Variants in MEGF10 observed in about 807,000 individuals in gnomAD.
MEGF10 encodes the protein multiple epidermal growth factor-like domains protein 10.
Under a neutral mutation model 147.5 loss-of-function variants are expected in MEGF10, and 86 were observed. The ratio of observed to expected loss-of-function variants is 0.58; its 90% CI spans 0.49 to 0.70. The LOEUF is 0.70. Among genes scored for constraint, MEGF10 ranks in the 30% least tolerant of loss-of-function variants. The pLI is 0.00. For missense variants in MEGF10, 1,329 were observed against 1,487.3 expected (o/e 0.89, Z 1.75); for synonymous variants, 478 against 525.5 (o/e 0.91, Z 1.24).
chr5:127,389,420 G>T (rs575647751), intron 5 of MEGF10, among the ~76,000 whole-genome samples: 107 of 152,310 alleles, frequency 7.0e-4, no homozygotes, highest in African/African-American at 2.4e-3. Flanking sequence ...CCATTATTGG[G>T]TATATATCCA....
intron 7 of MEGF10, 126 bp from the exon 8 acceptor site, chr5:127,402,420 A>C: frequency 1.0e-6 from 1 of 1,002,182 alleles, no homozygotes; most frequent in Admixed American, 2.6e-5. Context: ...AAAATTCTCT[A>C]ATCTAATTTT....
chr5:127,318,187 C>A (rs970744893), intron 1 of MEGF10, among the ~76,000 whole-genome samples: 1 of 152,142 alleles, frequency 6.6e-6, no homozygotes, highest in Non-Finnish European at 1.5e-5. Flanking sequence ...CAGGAAGCAG[C>A]CCCTCCCCAG....
At chr5:127,335,528 CT>C (rs1473614989) in intron 2 of MEGF10, among the ~76,000 whole-genome samples, 1 of 152,158 alleles carries the variant, frequency 6.6e-6, no homozygotes, top group Admixed American at 6.6e-5. Flanking sequence ...AAACACATCG[CT>C]TCCAGAAAAT....
rs771584285 is a variant in MEGF10 at position 127,410,503 on chromosome 5, C to G, written c.1032C>G (p.Gly344=). Residue 344 remains glycine, a synonymous_variant, in exon 9 of 25, where the codon GGC becomes GGG. Transcript: ENST00000503335. ...GCGGCGCATGCCTCTGTGAAGCAGG[C>G]TTTGCTGGCGAGCGCTGCGAAGCAC... The part of the protein sequence containing the change: ...HVSGACLCEA[G]FAGERCEARL... 4.3e-6 allele frequency: 7 copies of G among 1,614,096 alleles called. No homozygotes were observed. In the South Asian group the frequency reaches 7.7e-5, roughly 18 times the overall value.
chr5:127,403,837 C>T (rs1210141463), intron 8 of MEGF10, among the ~76,000 whole-genome samples: 3 of 152,156 alleles, frequency 2.0e-5, no homozygotes, highest in East Asian at 1.9e-4. Context: ...TTTATCCTTT[C>T]GTCTGTTGAT....
the MEGF10 span, among the ~76,000 whole-genome samples, chr5:127,257,165 T>C: frequency 5.3e-5 from 8 of 152,106 alleles, no homozygotes; most frequent in South Asian, 8.3e-4. Context: ...CTACTTCTTA[T>C]AGATGAAAAG....
At chr5:127,412,373 T>C (rs79983828) in intron 9 of MEGF10, among the ~76,000 whole-genome samples, 2,743 of 152,324 alleles carry the variant, frequency 0.018, 55 homozygotes, top group South Asian at 0.041. Flanking sequence ...TCTTATATCT[T>C]AAACTTCTAT....
chr5:127,353,422 G>A (rs532782484), intron 4 of MEGF10, among the ~76,000 whole-genome samples: 2 of 152,322 alleles, frequency 1.3e-5, no homozygotes, highest in South Asian at 4.1e-4. Context: ...AAGCTCACAG[G>A]AAAAGCAGCA....
intron 2 of MEGF10, among the ~76,000 whole-genome samples, chr5:127,333,096 C>T (rs1968366): frequency 6.6e-6 from 1 of 151,894 alleles, no homozygotes; most frequent in African/African-American, 2.4e-5. Context: ...TGTGGGTTTG[C>T]CATGTTGTGT....
chr5:127,347,057 T>G (rs1252898493), intron 4 of MEGF10, among the ~76,000 whole-genome samples: 1 of 152,118 alleles, frequency 6.6e-6, no homozygotes, highest in African/African-American at 2.4e-5. Context: ...AATTTTCCAC[T>G]TGTGGCTTCA....
chr5:127,354,793 A>T (rs1215401227), intron 4 of MEGF10, among the ~76,000 whole-genome samples: 1 of 152,174 alleles, frequency 6.6e-6, no homozygotes, highest in Admixed American at 6.6e-5. Context: ...GGAATATTTG[A>T]CATGCTTAAC....
chr5:127,327,123 C>T (rs1761069060), intron 1 of MEGF10, among the ~76,000 whole-genome samples: 1 of 152,154 alleles, frequency 6.6e-6, no homozygotes, highest in Non-Finnish European at 1.5e-5. Context: ...AGCTGCAAAA[C>T]ACAGACAGCA....
intron 5 of MEGF10, among the ~76,000 whole-genome samples, chr5:127,378,544 C>T (rs573780323): frequency 2.0e-5 from 3 of 152,320 alleles, no homozygotes; most frequent in Admixed American, 2.0e-4. Flanking sequence ...CCTCGACCTC[C>T]TGGGATCATG....
At chr5:127,429,065 C>T (rs1013054942) in intron 13 of MEGF10, among the ~76,000 whole-genome samples, 1 of 152,198 alleles carries the variant, frequency 6.6e-6, no homozygotes, top group African/African-American at 2.4e-5. Flanking sequence ...GAACATTTAT[C>T]AGAAAAGAAA....
chr5:127,350,619 C>T (rs1762050501), intron 4 of MEGF10, among the ~76,000 whole-genome samples: 1 of 151,950 alleles, frequency 6.6e-6, no homozygotes, highest in South Asian at 2.1e-4. Context: ...AGGGCTCAGT[C>T]TGTACTAAAC....
At chr5:127,400,697 AG>A (rs567853291) in intron 7 of MEGF10, among the ~76,000 whole-genome samples, 89 of 152,188 alleles carry the variant, frequency 5.8e-4, no homozygotes, top group Admixed American at 5.4e-3. Context: ...AGCTCTTCTC[AG>A]TTGGGATGGT....
chr5:127,252,891 C>T, the MEGF10 span, among the ~76,000 whole-genome samples: 1 of 151,672 alleles, frequency 6.6e-6, no homozygotes, highest in Non-Finnish European at 1.5e-5. Flanking sequence ...ACTGTTTCAG[C>T]GCAAAGACAT....
chr5:127,387,852 C>T lies in MEGF10; in HGVS notation c.413-8680C>T, dbSNP rs377734824. 2.2e-3 allele frequency among the ~76,000 whole-genome samples: 342 copies of T among 152,250 alleles called. 1 individual carries two copies. The highest frequency in any genetic ancestry group is 7.8e-3 in the African/African-American group (324 of 41,542). On this transcript the variant is annotated intron_variant, in intron 5 of 24. Transcript: ENST00000503335. ...ACTCAATGTATCTTAGAAAGCCTCC[C>T]GCTCCACTCTCTGTTTCGTGTCGTT...
chr5:127,253,477 GA>G, the MEGF10 span, among the ~76,000 whole-genome samples: 20 of 152,006 alleles, frequency 1.3e-4, no homozygotes, highest in Admixed American at 5.2e-4. Context: ...CTATATAAAA[GA>G]AATGTCATAT....
Sources: allele counts gnomAD v4.1 joint callset (sites outside exome capture counted in the v4.1 genomes callset), GRCh38; gene constraint gnomAD v4.1.1; transcripts MANE v1.5; gene names NCBI Gene and HGNC (gene_info 2026-07-23, HGNC 2026-07-21).